Variants in IGSF11 observed in about 807,000 individuals in gnomAD.
IGSF11 encodes CXADR like 1.
IGSF11 carries 22 observed loss-of-function variants against 41.0 expected under a neutral mutation model. The observed-to-expected ratio is 0.54, with a 90% confidence interval of 0.38 to 0.77. IGSF11 has a LOEUF of 0.77. Ranked by LOEUF, IGSF11 falls within the 30% of genes least tolerant of loss-of-function variation. The pLI is 0.00. For missense variants in IGSF11, 444 were observed against 530.8 expected (o/e 0.84, Z 1.61); for synonymous variants, 219 against 201.3 (o/e 1.09, Z -0.74).
intron 1 of IGSF11, among the ~76,000 whole-genome samples, chr3:119,046,596 C>A (rs1309892828): frequency 1.3e-5 from 2 of 151,764 alleles, no homozygotes; most frequent in Admixed American, 6.6e-5. Context: ...GAGAATTTCC[C>A]CAATCTAGCA....
chr3:118,903,004 G>A (rs1407443658), intron 6 of IGSF11, 43 bp from the exon 7 acceptor site: 4 of 1,553,382 alleles, frequency 2.6e-6, no homozygotes, highest in East Asian at 2.3e-5. Context: ...TTTACTTCAA[G>A]TTAATCCTAT....
At chr3:119,008,265 A>G (rs2107688437) in intron 1 of IGSF11, among the ~76,000 whole-genome samples, 1 of 152,362 alleles carries the variant, frequency 6.6e-6, no homozygotes, top group East Asian at 1.9e-4. Context: ...GTCAACGGGA[A>G]TATACCAAGA....
At chr3:119,077,124 T>C (rs1023995952) in intron 1 of IGSF11, among the ~76,000 whole-genome samples, 1 of 152,166 alleles carries the variant, frequency 6.6e-6, no homozygotes, top group African/African-American at 2.4e-5. Context: ...TGTAGGGACA[T>C]GGATGAAGCT....
chr3:119,136,485 T>C (rs1357299904), intron 1 of IGSF11, among the ~76,000 whole-genome samples: 2 of 152,118 alleles, frequency 1.3e-5, no homozygotes, highest in African/African-American at 4.8e-5. Flanking sequence ...GAAAAGGATA[T>C]TCCATGTCTA....
chr3:118,907,275 C>T (rs1226879205), intron 4 of IGSF11, among the ~76,000 whole-genome samples: 5 of 152,146 alleles, frequency 3.3e-5, no homozygotes, highest in Non-Finnish European at 5.9e-5. Flanking sequence ...AAGTGTGCAG[C>T]ATTTATTAAT....
At chr3:119,020,964 A>G (rs1212585627) in intron 1 of IGSF11, among the ~76,000 whole-genome samples, 1 of 152,346 alleles carries the variant, frequency 6.6e-6, no homozygotes, top group East Asian at 1.9e-4. Flanking sequence ...ACATCTCTTT[A>G]TAACTCACAG....
chr3:118,989,267 A>G (rs1264915548), intron 1 of IGSF11, among the ~76,000 whole-genome samples: 4 of 152,196 alleles, frequency 2.6e-5, no homozygotes, highest in African/African-American at 7.2e-5. Flanking sequence ...GCCCTGGACC[A>G]GTGCAGACCT....
intron 1 of IGSF11, among the ~76,000 whole-genome samples, chr3:118,942,011 TAA>T (rs1298399084): frequency 6.6e-6 from 1 of 152,148 alleles, no homozygotes; most frequent in African/African-American, 2.4e-5. Flanking sequence ...ACATAGGGCA[TAA>T]GGGAAGTCCT....
Position 119,121,930 on chromosome 3 carries a change from T to A in IGSF11, c.-13-16725A>T, listed in dbSNP as rs1576826266. ...AGATCTTCAAAGTGTTAAAAGAAAA[T>A]GACAGTCAACTAAGAATTCTGTCCA... On this transcript the variant is annotated intron_variant, in intron 1 of 7. Transcript: ENST00000425327. Among the ~76,000 whole-genome samples the A allele has an allele frequency of 2.6e-5, 4 of 152,054 alleles. No individual in the cohort carries two copies. In the East Asian group the frequency reaches 7.7e-4, roughly 29 times the overall value.
chr3:119,029,017 A>G (rs570598216), intron 1 of IGSF11, among the ~76,000 whole-genome samples: 2 of 152,044 alleles, frequency 1.3e-5, no homozygotes, highest in East Asian at 1.9e-4. Context: ...CCATGAATCT[A>G]TATTTCAAAA....
At chr3:118,930,454 C>A (rs1357266897) in intron 1 of IGSF11, among the ~76,000 whole-genome samples, 179 bp from the exon 2 acceptor site, 1 of 152,154 alleles carries the variant, frequency 6.6e-6, no homozygotes, top group African/African-American at 2.4e-5. Context: ...ATGGTTCATC[C>A]CTTTACCTCC....
At chr3:119,098,700 T>C (rs1026277580) in intron 1 of IGSF11, among the ~76,000 whole-genome samples, 2 of 152,236 alleles carry the variant, frequency 1.3e-5, no homozygotes, top group African/African-American at 4.8e-5. Context: ...AATATGTTTT[T>C]TAAATTAATG....
intron 1 of IGSF11, among the ~76,000 whole-genome samples, chr3:118,940,605 A>C (rs1485950058): frequency 6.6e-6 from 1 of 152,088 alleles, no homozygotes; most frequent in Non-Finnish European, 1.5e-5. Context: ...AGTCAACCCA[A>C]ATTTATCTTT....
chr3:118,953,297 T>C lies in IGSF11; in HGVS notation c.53-23022A>G, dbSNP rs1005715027. 4.6e-5 allele frequency among the ~76,000 whole-genome samples: 7 copies of C among 152,362 alleles called. No individual in the cohort carries two copies. The East Asian group carries it at 5.8e-4, about 13-fold the overall frequency. On this transcript the variant is annotated intron_variant, in intron 1 of 6. Coordinates refer to ENST00000393775, the MANE Select transcript of IGSF11 (RefSeq NM_001015887.3). ...CACAATTTCTTTATCCACTCGTTGA[T>C]TGATGGACATTTGGGCTGGTTCCAT...
upstream of IGSF11, among the ~76,000 whole-genome samples, chr3:119,038,441 T>C (rs1456995620): frequency 2.4e-4 from 36 of 152,224 alleles, no homozygotes; most frequent in Admixed American, 2.4e-3. Flanking sequence ...TCCCTATCAC[T>C]GTTGTGAATA....
intron 1 of IGSF11, among the ~76,000 whole-genome samples, chr3:119,113,635 C>T (rs1025952256): frequency 2.6e-5 from 4 of 152,176 alleles, no homozygotes; most frequent in Non-Finnish European, 4.4e-5. Flanking sequence ...GGGTGGAGTG[C>T]CTGCAGCTTT....
At chr3:119,047,342 C>G (rs1347803790) in intron 1 of IGSF11, among the ~76,000 whole-genome samples, 2 of 152,102 alleles carry the variant, frequency 1.3e-5, no homozygotes, top group Non-Finnish European at 2.9e-5. Context: ...GCAGGAGTTG[C>G]AATCCTACTC....
intron 1 of IGSF11, among the ~76,000 whole-genome samples, chr3:118,998,545 A>G (rs1275694871): frequency 1.3e-5 from 2 of 152,046 alleles, no homozygotes; most frequent in African/African-American, 4.8e-5. Flanking sequence ...TTTATGGTGA[A>G]TAAGTATTAT....
At chr3:118,910,325 T>C (rs955546024) in intron 4 of IGSF11, among the ~76,000 whole-genome samples, 2 of 152,230 alleles carry the variant, frequency 1.3e-5, no homozygotes, top group African/African-American at 2.4e-5. Flanking sequence ...TGGTTACTGT[T>C]GATTCAGTGC....
Sources: gnomAD v4.1 joint callset for allele counts (sites outside exome capture counted in the v4.1 genomes callset) on GRCh38, gnomAD v4.1.1 for gene constraint, MANE v1.5 for transcripts, NCBI Gene and HGNC (gene_info 2026-07-23, HGNC 2026-07-21) for gene names.